The following GAPVD1 variants were observed in gnomAD, a reference collection of about 807,000 sequenced individuals.
The protein encoded by GAPVD1 is GTPase-activating protein and VPS9 domain-containing protein 1.
A neutral mutation model predicts 155.5 loss-of-function variants in GAPVD1; 35 were observed. The observed-to-expected ratio is 0.23, with a 90% CI of 0.17 to 0.30. The LOEUF is 0.30. Ranked by LOEUF, GAPVD1 falls within the 10% of genes least tolerant of loss-of-function variation. The probability of loss-of-function intolerance (pLI) is 1.00; values close to 1 mark genes in which losing one functional copy is unlikely to be tolerated. For missense variants in GAPVD1, 1,429 were observed against 1,775.7 expected (o/e 0.80, Z 3.51); for synonymous variants, 636 against 619.7 (o/e 1.03, Z -0.39).
At position 125,295,553 on chromosome 9, in the gene GAPVD1, C is replaced by G. The variant is rs1208585985; in HGVS notation, c.-54C>G. ...GTTCAAGCGATCCTCCCATCTGACCCTCCCAAGTAGCTGGCATTCAGGTAT... is the reference window on the plus strand; with the variant it reads ...GTTCAAGCGATCCTCCCATCTGACCGTCCCAAGTAGCTGGCATTCAGGTAT... On this transcript the variant is annotated 5_prime_UTR_variant, in exon 3 of 28. Coordinates refer to ENST00000297933, the MANE Select transcript of GAPVD1 (RefSeq NM_001282680.3). 1 of 151,444 alleles carries G rather than the reference C, an allele frequency of 6.6e-6. No individual in the cohort carries two copies. Among genetic ancestry groups the G allele is most frequent in the Admixed American group, 6.6e-5 (1 of 15,136 alleles). The allele number at this position is 151,444 out of a possible 1,614,324, so 9.4% of individuals were successfully genotyped here. A position where few individuals can be genotyped will look rare whatever the true frequency, so the allele number is the denominator to read the frequency against.
At chr9:125,293,876 ATATATATATATATATAT>A (rs1839305626) in intron 2 of GAPVD1, among the ~76,000 whole-genome samples, 1 of 18,218 alleles carries the variant, frequency 5.5e-5, no homozygotes, top group Non-Finnish European at 1.0e-4. Flanking sequence ...ATATATATAT[ATATATATATATATATAT>A]ATATATATAT....
chr9:125,296,390 C>G lies in GAPVD1; in HGVS notation c.-33+816C>G, dbSNP rs142644185. Among the ~76,000 whole-genome samples the G allele has an allele frequency of 4.7e-3, 479 of 102,272 alleles. 1 individual carries two copies. Among genetic ancestry groups the G allele is most frequent in the African/African-American group, 0.022 (448 of 20,162 alleles). The allele number at this position is 102,272 out of a possible 152,430, so 67.1% of individuals were successfully genotyped here. ...TTTTTTTTTGAGATGGAGTCTTACTCTGTCACCAGACTGGAGTGCAGTGGC... is the reference window on the plus strand; with the variant it reads ...TTTTTTTTTGAGATGGAGTCTTACTGTGTCACCAGACTGGAGTGCAGTGGC... On this transcript the variant is annotated intron_variant, in intron 3 of 27. Transcript: ENST00000297933.
intron 2 of GAPVD1, among the ~76,000 whole-genome samples, chr9:125,293,844 AATATATTTTATATATATAT>A (rs1839152705): frequency 1.4e-5 from 1 of 69,146 alleles, no homozygotes; most frequent in Non-Finnish European, 2.5e-5. Context: ...TATATATAAA[AATATATTTTATATATATAT>A]ATATATATAT....
chr9:125,277,074 AGTTTTCTAATAAT>A (rs1353739110), intron 2 of GAPVD1, among the ~76,000 whole-genome samples: 3 of 152,258 alleles, frequency 2.0e-5, no homozygotes, highest in Non-Finnish European at 2.9e-5. Context: ...CCTTAATTAC[AGTTTTCTAATAAT>A]GTTTTCTAAT....
intron 1 of GAPVD1, among the ~76,000 whole-genome samples, chr9:125,262,814 CTTA>C (rs1274380145): frequency 2.0e-5 from 3 of 152,134 alleles, no homozygotes; most frequent in Non-Finnish European, 4.4e-5. Context: ...CTAACTGAAA[CTTA>C]TTATTTCCTT....
intron 17 of GAPVD1, 139 bp downstream of exon 17, chr9:125,337,730 G>A (rs1847243971): frequency 1.1e-6 from 1 of 895,568 alleles, no homozygotes; most frequent in Non-Finnish European, 1.7e-6. Flanking sequence ...CAATCTATGG[G>A]CCCACAACCA....
intron 21 of GAPVD1, among the ~76,000 whole-genome samples, chr9:125,349,789 A>G (rs1355778591): frequency 5.9e-5 from 9 of 152,068 alleles, no homozygotes; most frequent in Non-Finnish European, 1.3e-4. Context: ...GCTGGAGCCC[A>G]GGAGTTGGAG....
chr9:125,361,536 A>AT (rs1248102900), intron 27 of GAPVD1, among the ~76,000 whole-genome samples: 3 of 151,980 alleles, frequency 2.0e-5, no homozygotes, highest in Admixed American at 6.6e-5. Flanking sequence ...AAAAAAAAAA[A>AT]GCAGTGCCTG....
Position 125,359,463 on chromosome 9 carries a change from G to A in GAPVD1, c.4015G>A (p.Ala1339Thr). ...HIQRLSKVVTANHRALQIPEV... is the reference protein window; with the variant it reads ...HIQRLSKVVTTNHRALQIPEV... ...CCAGAGATTGTCTAAAGTAGTGACT[G>A]CAAATCACAGAGCTCTTCAGATACC... The change falls in exon 26 of 28, where the codon GCA becomes ACA. Residue 1339 changes from alanine (A) to threonine (T), a missense_variant. Coordinates refer to ENST00000297933, the MANE Select transcript of GAPVD1 (RefSeq NM_001282680.3). 2 of 1,591,584 alleles carry A rather than the reference G, an allele frequency of 1.3e-6. No homozygotes were observed. The highest frequency in any genetic ancestry group is 1.7e-6 in the Non-Finnish European group (2 of 1,159,994).
Position 125,302,217 on chromosome 9 carries a change from C to T in GAPVD1, c.420C>T (p.Cys140=), listed in dbSNP as rs1158394198. 1.2e-5 allele frequency: 19 copies of T among 1,613,438 alleles called. No homozygotes were observed. The highest frequency in any genetic ancestry group is 1.5e-5 in the Non-Finnish European group (18 of 1,179,534). ...TTTTTACCTCCCTGTATGGCAATTG[C>T]ATCATGCAAGAAGATGAAAGCTACC... ...YTVFTSLYGN[C]IMQEDESYLL... is the part of the protein sequence containing the mutation. The change falls in exon 5 of 28, where the codon TGC becomes TGT. Residue 140 remains cysteine, a synonymous_variant. Transcript: ENST00000297933.
chr9:125,362,593 T>C lies in GAPVD1; in HGVS notation c.4243-13T>C, dbSNP rs201009249. 4.6e-5 allele frequency: 73 copies of C among 1,578,630 alleles called. No homozygotes were observed. The highest frequency in any genetic ancestry group is 6.0e-5 in the Non-Finnish European group (70 of 1,163,800). ...CTGAGTAATTGATTCTTTTTTATTT[T>C]TCACTTCTCTAGGCAAATCCACCCT... On this transcript the variant is annotated splice_polypyrimidine_tract_variant and intron_variant, in intron 27 of 27. Transcript: ENST00000297933.
chr9:125,280,911 G>T (rs1326450593), intron 2 of GAPVD1, among the ~76,000 whole-genome samples: 1 of 152,002 alleles, frequency 6.6e-6, no homozygotes, highest in African/African-American at 2.4e-5. Context: ...AAAAAGATTT[G>T]CTATTAGGTG....
At position 125,322,744 on chromosome 9, in the gene GAPVD1, T is replaced by C. The variant is rs563395687; in HGVS notation, c.1733-1054T>C. ...TCTGTGATTAAATCTATAGATTTCT[T>C]CCACTTTTTGGACATAATAACTTCT... On this transcript the variant is annotated intron_variant, in intron 10 of 27. Coordinates refer to ENST00000297933, the MANE Select transcript of GAPVD1 (RefSeq NM_001282680.3). Among the ~76,000 whole-genome samples the C allele has an allele frequency of 3.3e-5, 5 of 152,146 alleles. No homozygotes were observed. The South Asian group carries it at 1.0e-3, about 32-fold the overall frequency.
At chr9:125,298,170 G>A (rs1840173631) in intron 3 of GAPVD1, among the ~76,000 whole-genome samples, 2 of 152,192 alleles carry the variant, frequency 1.3e-5, no homozygotes, top group Non-Finnish European at 2.9e-5. Context: ...GATGTGATTA[G>A]CAATGGAGGG....
chr9:125,355,777 G>A lies in GAPVD1; in HGVS notation c.3891G>A (p.Leu1297=). 6.2e-7 allele frequency: 1 copy of A among 1,613,342 alleles called. No homozygotes were observed. The highest frequency in any genetic ancestry group is 8.5e-7 in the Non-Finnish European group (1 of 1,179,320). Residue 1297 remains leucine (L), a synonymous_variant, in exon 25 of 28, where the codon CTG becomes CTA. Coordinates refer to ENST00000297933, the MANE Select transcript of GAPVD1 (RefSeq NM_001282680.3). ...AAGAACAGCTTCAAGATGCACAGCTGGCCATTGAGCGAAGCGTGATGAACC... is the reference window on the plus strand; with the variant it reads ...AAGAACAGCTTCAAGATGCACAGCTAGCCATTGAGCGAAGCGTGATGAACC... ...ASEEQLQDAQ[L]AIERSVMNRI...
At position 125,321,479 on chromosome 9, in the gene GAPVD1, T is replaced by C; in HGVS notation, c.1649T>C (p.Val550Ala). 1 of 1,612,292 alleles carries C rather than the reference T, an allele frequency of 6.2e-7. No homozygotes were observed. ...LSDGGQGDVP[V>A]DENKLHGKPD... is the part of the protein sequence containing the mutation. ...GATGGAGGACAAGGAGATGTCCCTGTTGATGAAAACAAACTCCATGGTAAA... is the reference window on the plus strand; with the variant it reads ...GATGGAGGACAAGGAGATGTCCCTGCTGATGAAAACAAACTCCATGGTAAA... Residue 550 changes from valine to alanine, a missense_variant, in exon 10 of 28, where the codon GTT (valine) becomes GCT (alanine). This residue lies in a region of GAPVD1 where 628 missense variants were observed against 733.4 expected (regional missense o/e 0.86). Coordinates refer to ENST00000297933, the MANE Select transcript of GAPVD1 (RefSeq NM_001282680.3).
At chr9:125,343,604 G>T (rs1848128746) in intron 19 of GAPVD1, among the ~76,000 whole-genome samples, 1 of 152,162 alleles carries the variant, frequency 6.6e-6, no homozygotes, top group African/African-American at 2.4e-5. Context: ...TGAACAGCAG[G>T]AGATGTGCTT....
At chr9:125,276,893 G>T (rs1451349045) in intron 2 of GAPVD1, among the ~76,000 whole-genome samples, 1 of 152,026 alleles carries the variant, frequency 6.6e-6, no homozygotes, top group Non-Finnish European at 1.5e-5. Context: ...TGAGAACCTA[G>T]GACTACAGGT....
At chr9:125,276,079 C>G (rs1046903246) in intron 2 of GAPVD1, among the ~76,000 whole-genome samples, 13 of 152,146 alleles carry the variant, frequency 8.5e-5, no homozygotes, top group African/African-American at 3.1e-4. Flanking sequence ...TTGACATCTT[C>G]CAGAATTCTG....
Sources: allele counts gnomAD v4.1 joint callset (sites outside exome capture counted in the v4.1 genomes callset), GRCh38; gene constraint gnomAD v4.1.1; regional missense constraint gnomAD v4.1.1; transcripts MANE v1.5; gene names NCBI Gene and HGNC (gene_info 2026-07-23, HGNC 2026-07-21).